Variants in AKAP13 observed in about 807,000 individuals in gnomAD.
AKAP13 encodes the protein A-kinase anchoring protein 13.
A neutral mutation model predicts 264.5 loss-of-function variants in AKAP13; 80 were observed. The ratio of observed to expected loss-of-function variants is 0.30; its 90% CI spans 0.25 to 0.36. The LOEUF is 0.36. Among genes scored for constraint, AKAP13 ranks in the 10% least tolerant of loss-of-function variants. The pLI, the probability that AKAP13 is intolerant of heterozygous loss-of-function variation, is 1.00. For missense variants in AKAP13, 3,712 were observed against 3,435.2 expected (o/e 1.08, Z -2.01); for synonymous variants, 1,380 against 1,250.2 (o/e 1.10, Z -2.19).
chr15:85,648,042 A>G (rs2082637799), intron 10 of AKAP13, among the ~76,000 whole-genome samples: 1 of 151,998 alleles, frequency 6.6e-6, no homozygotes, highest in Admixed American at 6.5e-5. Context: ...TTTTAATAAT[A>G]TCAGAATTTA....
rs573794626 is a variant in AKAP13 at position 85,478,587 on chromosome 15, T to TA, written c.-11-7122dup. 1.8e-3 allele frequency among the ~76,000 whole-genome samples: 274 copies of TA among 152,316 alleles called. 4 individuals are homozygous for TA. The highest frequency in any genetic ancestry group is 1.9e-3 in the South Asian group (9 of 4,824). On this transcript the variant is annotated intron_variant, in intron 1 of 36. Coordinates refer to ENST00000394518, the MANE Select transcript of AKAP13 (RefSeq NM_007200.5). ...AAATTAAATGAGTGAACGTGGGTGTTACTGTTTTGTCGTTGCTGTTGTTTT... is the reference window on the plus strand; with the variant it reads ...AAATTAAATGAGTGAACGTGGGTGTTAACTGTTTTGTCGTTGCTGTTGTTTT...
At position 85,723,189 on chromosome 15, in the gene AKAP13, A is replaced by T. The variant is rs114617636; in HGVS notation, c.6614A>T (p.Tyr2205Phe). The T allele has an allele frequency of 6.2e-7, 1 of 1,614,206 alleles. No homozygotes were observed. The highest frequency in any genetic ancestry group is 1.3e-5 in the African/African-American group (1 of 75,068). The change falls in exon 26 of 37, where the codon TAT (tyrosine) becomes TTT (phenylalanine). Residue 2205 changes from tyrosine to phenylalanine, a missense_variant. Transcript: ENST00000394518. Reference protein sequence around the residue: ...YEKKVRLNEIYTKTDSKSIMR... With the variant: ...YEKKVRLNEIFTKTDSKSIMR... ...AAGAAAGTGCGTCTCAATGAGATTT[A>T]TACAAAGACAGATAGCAAGTCAATC...
intron 1 of AKAP13, among the ~76,000 whole-genome samples, chr15:85,436,846 A>G (rs2150942364): frequency 6.6e-6 from 1 of 152,192 alleles, no homozygotes; most frequent in South Asian, 2.1e-4. Context: ...ATAGCACTAA[A>G]TGCCCACAAG....
At chr15:85,699,594 C>T (rs975885336) in intron 17 of AKAP13, among the ~76,000 whole-genome samples, 1 of 152,190 alleles carries the variant, frequency 6.6e-6, no homozygotes, top group African/African-American at 2.4e-5. Flanking sequence ...AGAGAATGTA[C>T]TTACATATTA....
At chr15:85,397,428 C>T (rs1390935366) in intron 1 of AKAP13, among the ~76,000 whole-genome samples, 1 of 152,106 alleles carries the variant, frequency 6.6e-6, no homozygotes, top group Non-Finnish European at 1.5e-5. Context: ...CTTTCCCGAG[C>T]TCAAATAAAG....
intron 14 of AKAP13, among the ~76,000 whole-genome samples, chr15:85,680,482 C>G (rs1479541863): frequency 2.6e-5 from 4 of 152,052 alleles, no homozygotes; most frequent in Non-Finnish European, 5.9e-5. Context: ...GAACCCTAAA[C>G]TGGGAAAAAG....
intron 17 of AKAP13, among the ~76,000 whole-genome samples, chr15:85,696,692 T>C (rs562766047): frequency 2.6e-5 from 4 of 152,298 alleles, no homozygotes; most frequent in East Asian, 3.9e-4. Flanking sequence ...CTATAAAATA[T>C]AAAATGCTAA....
chr15:85,715,993 G>T, intron 20 of AKAP13, 70 bp downstream of exon 20: 9 of 1,417,008 alleles, frequency 6.4e-6, no homozygotes, highest in South Asian at 1.3e-5. Context: ...CACATCATAT[G>T]ACAAAAAGCT....
chr15:85,735,672 T>G, intron 32 of AKAP13, 42 bp downstream of exon 32: 1 of 1,546,676 alleles, frequency 6.5e-7, no homozygotes, highest in Admixed American at 1.9e-5. Context: ...CTTGGCACTT[T>G]CCTCTGAATT....
chr15:85,543,807 G>A lies in AKAP13; in HGVS notation c.514G>A (p.Val172Met), dbSNP rs780330111. 5.0e-6 allele frequency: 8 copies of A among 1,613,284 alleles called. No individual in the cohort carries two copies. Among genetic ancestry groups the A allele is most frequent in the South Asian group, 2.2e-5 (2 of 91,024 alleles). ...GPRETLMHFA[V>M]RLGLLRLTWF... Reference sequence around the variant, plus strand: ...GCGAGAGACATTGATGCATTTTGCTGTGCGGCTGGGACTGCTGAGGTTGAC... The same window carrying A: ...GCGAGAGACATTGATGCATTTTGCTATGCGGCTGGGACTGCTGAGGTTGAC... The change falls in exon 5 of 37, where the codon GTG (valine) becomes ATG (methionine). Residue 172 changes from valine (V) to methionine (M), a missense_variant. By Grantham distance (21) the Val-to-Met change is conservative. Around this residue, in one of 3 missense-constraint regions of AKAP13, gnomAD observed 2,759 missense variants for 2,411.7 expected, o/e 1.14. Transcript: ENST00000394518.
chr15:85,384,856 G>A (rs1285149089), intron 1 of AKAP13, among the ~76,000 whole-genome samples: 1 of 152,190 alleles, frequency 6.6e-6, no homozygotes, highest in Non-Finnish European at 1.5e-5. Context: ...AATAGAAGAT[G>A]AATGGATAAT....
At chr15:85,429,071 A>T (rs754305748) in intron 1 of AKAP13, among the ~76,000 whole-genome samples, 1 of 152,180 alleles carries the variant, frequency 6.6e-6, no homozygotes, top group Non-Finnish European at 1.5e-5. Context: ...TCGAATTCAA[A>T]ATCTTGACTG....
Position 85,727,421 on chromosome 15 carries a change from G to A in AKAP13, c.7045G>A (p.Glu2349Lys). ...EDEGIPSENE[E>K]EKKMLDTRAR... is the part of the protein sequence containing the mutation. ...TGAAGGAATTCCTAGTGAGAATGAG[G>A]AAGAAAAGAAAATGTTGGACACCAG... is the stretch of plus-strand genomic sequence containing the variant. The change falls in exon 29 of 37, where the codon GAA (glutamate) becomes AAA (lysine). Residue 2349 changes from glutamate (E) to lysine (K), a missense_variant. Physicochemically the swap from Glu to Lys is moderately conservative, Grantham distance 56 (BLOSUM62 1). Transcript: ENST00000394518. The surrounding 1 kb of genome is among the most constrained non-coding windows in gnomAD (Gnocchi z 5.3). The A allele has an allele frequency of 6.2e-7, 1 of 1,614,208 alleles. No individual in the cohort carries two copies. The highest frequency in any genetic ancestry group is 8.5e-7 in the Non-Finnish European group (1 of 1,180,020).
chr15:85,390,658 C>G (rs531584482), intron 1 of AKAP13, among the ~76,000 whole-genome samples: 74 of 152,258 alleles, frequency 4.9e-4, no homozygotes, highest in African/African-American at 1.8e-3. Context: ...GATTTGCAGT[C>G]GTTCAGGCTA....
intron 2 of AKAP13, among the ~76,000 whole-genome samples, chr15:85,504,923 C>G (rs556837147): frequency 1.3e-5 from 2 of 152,054 alleles, no homozygotes; most frequent in South Asian, 4.2e-4. Flanking sequence ...CTCCCCCTCT[C>G]CCCCTCTCTC....
chr15:85,557,480 T>C (rs926889656), intron 5 of AKAP13, among the ~76,000 whole-genome samples: 2 of 152,170 alleles, frequency 1.3e-5, no homozygotes, highest in Non-Finnish European at 2.9e-5. Flanking sequence ...TGTGGTTTTT[T>C]TTGTGTTTTG....
rs746879585 is a variant in AKAP13 at position 85,533,561 on chromosome 15, T to C, written c.182-23T>C. ...GCAGTGAGGCTCTAATACTGTTTTA[T>C]TTGCTGCCTGTGTTTCCTTTAGGTC... On this transcript the variant is annotated intron_variant, in intron 3 of 36. Coordinates refer to ENST00000394518, the MANE Select transcript of AKAP13 (RefSeq NM_007200.5). 21 of 1,579,948 alleles carry C rather than the reference T, an allele frequency of 1.3e-5. 1 individual carries two copies. The South Asian group carries it at 2.3e-4, about 18-fold the overall frequency.
At chr15:85,472,331 A>G (rs1351024036) in intron 1 of AKAP13, among the ~76,000 whole-genome samples, 6 of 150,666 alleles carry the variant, frequency 4.0e-5, no homozygotes, top group Non-Finnish European at 8.9e-5. Context: ...ATATAGTAAG[A>G]CCCATCTCTT....
chr15:85,381,974 T>C (rs974243763), intron 1 of AKAP13: 2 of 152,372 alleles, frequency 1.3e-5, no homozygotes, highest in Admixed American at 1.3e-4. Context: ...TCAGTTGAGA[T>C]AAATCATTGT....
Sources: gnomAD v4.1 joint callset for allele counts (sites outside exome capture counted in the v4.1 genomes callset) on GRCh38, gnomAD v4.1.1 for gene constraint, gnomAD v4.1.1 regional missense constraint, Gnocchi (gnomAD v3.1) non-coding constraint, MANE v1.5 for transcripts, NCBI Gene and HGNC (gene_info 2026-07-23, HGNC 2026-07-21) for gene names.